The following EML5 variants were observed in gnomAD, a reference collection of about 807,000 sequenced individuals.
EML5 encodes the protein EMAP like 5, also known as echinoderm microtubule-associated protein-like 5.
Under a neutral mutation model 250.0 loss-of-function variants are expected in EML5, and 120 were observed. That is an observed-to-expected ratio of 0.48 (90% CI 0.41 to 0.56). The LOEUF (loss-of-function observed/expected upper bound fraction) is 0.56, where lower values mean the gene tolerates loss of function less well. EML5 is among the 20% of genes least tolerant of loss of function. The probability of loss-of-function intolerance (pLI) is 0.00; values close to 1 mark genes in which losing one functional copy is unlikely to be tolerated. For missense variants in EML5, 2,006 were observed against 2,437.6 expected (o/e 0.82, Z 3.73); for synonymous variants, 771 against 806.5 (o/e 0.96, Z 0.75).
At chr14:88,695,670 T>C (rs2093061912) in intron 15 of EML5, among the ~76,000 whole-genome samples, 1 of 152,066 alleles carries the variant, frequency 6.6e-6, no homozygotes, top group South Asian at 2.1e-4. Flanking sequence ...TCATCGCACC[T>C]GATCTCCTTT....
chr14:88,725,934 C>A (rs1052286871), intron 8 of EML5, among the ~76,000 whole-genome samples: 1 of 152,098 alleles, frequency 6.6e-6, no homozygotes, highest in East Asian at 1.9e-4. Context: ...AGCAACTGAG[C>A]GAAGGATCTT....
intron 1 of EML5, among the ~76,000 whole-genome samples, chr14:88,775,720 G>A (rs1384678981): frequency 5.3e-5 from 8 of 152,152 alleles, no homozygotes; most frequent in African/African-American, 9.7e-5. Context: ...TGGCCTGGCC[G>A]GCTTTACCAC....
At chr14:88,616,464 A>G (rs1245849466) in intron 42 of EML5, 1 of 611,676 alleles carries the variant, frequency 1.6e-6, no homozygotes, top group African/African-American at 1.8e-5. Context: ...TTCTCTAAGG[A>G]AAAGCATTTG....
chr14:88,732,435 T>C (rs2093775309), intron 7 of EML5, among the ~76,000 whole-genome samples: 1 of 152,230 alleles, frequency 6.6e-6, no homozygotes, highest in East Asian at 1.9e-4. Context: ...ATCTCTGTTT[T>C]GGTACCAGTA....
intron 17 of EML5, among the ~76,000 whole-genome samples, chr14:88,688,850 A>T (rs896433468): frequency 1.3e-5 from 2 of 152,374 alleles, no homozygotes; most frequent in South Asian, 2.1e-4. Context: ...CTGAAATGTC[A>T]TGCCAACCTC....
chr14:88,655,705 GA>G lies in EML5; in HGVS notation c.4004+1670del, dbSNP rs536042798. Among the ~76,000 whole-genome samples, 792 of 152,186 alleles carry G rather than the reference GA, an allele frequency of 5.2e-3. 10 individuals carry two copies. The highest frequency in any genetic ancestry group is 0.018 in the African/African-American group (760 of 41,526). The stretch of plus-strand genomic sequence containing the variant: ...TGAATAGGCAACCTACAGAATGGGA[GA>G]AAATTTTTGCAATCTATCCATCTGA... On this transcript the variant is annotated intron_variant, in intron 27 of 43. Coordinates refer to ENST00000554922, the MANE Select transcript of EML5 (RefSeq NM_183387.3).
chr14:88,656,270 C>T (rs74842515), intron 27 of EML5, among the ~76,000 whole-genome samples: 19 of 152,160 alleles, frequency 1.2e-4, no homozygotes, highest in African/African-American at 3.9e-4. Context: ...ATAAACACCA[C>T]GGAATACTAT....
intron 10 of EML5, among the ~76,000 whole-genome samples, chr14:88,707,343 G>A (rs149528239): frequency 0.01 from 1,551 of 151,498 alleles, 25 homozygotes; most frequent in African/African-American, 0.036. Flanking sequence ...GCCCAGGCTG[G>A]TCTCGAACTC....
chr14:88,782,089 AG>A (rs2094503116), intron 1 of EML5, among the ~76,000 whole-genome samples: 1 of 152,236 alleles, frequency 6.6e-6, no homozygotes, highest in Non-Finnish European at 1.5e-5. Flanking sequence ...GTAAGTTCCT[AG>A]AGACTTGTTG....
chr14:88,656,903 T>A (rs1188572283), intron 27 of EML5, among the ~76,000 whole-genome samples: 1 of 152,186 alleles, frequency 6.6e-6, no homozygotes, highest in Admixed American at 6.6e-5. Context: ...AGTTAGCAAA[T>A]AAGATGAATC....
At position 88,789,126 on chromosome 14, in the gene EML5, A is replaced by G. The variant is rs540403204; in HGVS notation, c.197+3181T>C. Among the ~76,000 whole-genome samples the G allele has an allele frequency of 1.6e-4, 24 of 152,312 alleles. No individual in the cohort carries two copies. In the South Asian group the frequency reaches 4.8e-3, roughly 30 times the overall value. The stretch of plus-strand genomic sequence containing the variant: ...ACAACTGGCAAAAGTTTCAAAATAT[A>G]GACCAAGGTATAGATGTGCATCTTA... On this transcript the variant is annotated intron_variant, in intron 1 of 43. Coordinates refer to ENST00000554922, the MANE Select transcript of EML5 (RefSeq NM_183387.3).
intron 14 of EML5, among the ~76,000 whole-genome samples, chr14:88,701,359 T>C (rs1388909365): frequency 3.3e-5 from 5 of 152,172 alleles, no homozygotes; most frequent in Admixed American, 1.3e-4. Context: ...GTCATAAATA[T>C]AGATCAGAGA....
chr14:88,615,706 T>C lies in EML5; in HGVS notation c.*112A>G. 1.1e-6 allele frequency: 1 copy of C among 938,364 alleles called. No individual in the cohort carries two copies. Among genetic ancestry groups the C allele is most frequent in the Non-Finnish European group, 1.6e-6 (1 of 618,732 alleles). The allele number at this position is 938,364 out of a possible 1,614,324, so 58.1% of individuals were successfully genotyped here. On this transcript the variant is annotated 3_prime_UTR_variant, in exon 44 of 44. Transcript: ENST00000554922. ...CTATTTTGATGATTCTGGGCATTTC[T>C]CCCTGTTACAGTCTTGGGTTAGCAC...
Position 88,718,457 on chromosome 14 carries a change from G to GT in EML5, c.1188-3263dup, listed in dbSNP as rs1178986458. 2.0e-5 allele frequency among the ~76,000 whole-genome samples: 3 copies of GT among 152,276 alleles called. No individual in the cohort carries two copies. The East Asian group carries it at 5.8e-4, about 29-fold the overall frequency. ...CTATGAAGAAAATGGGGCTAGAGAG[G>GT]TAAGCTGAAAACAGAAAGAGAAGAA... On this transcript the variant is annotated intron_variant, in intron 8 of 43. Transcript: ENST00000554922.
intron 21 of EML5, among the ~76,000 whole-genome samples, chr14:88,678,099 T>C (rs1471256049): frequency 6.6e-6 from 1 of 152,186 alleles, no homozygotes; most frequent in East Asian, 1.9e-4. Context: ...CACCATGGGA[T>C]ACTATGCAGC....
At position 88,639,877 on chromosome 14, in the gene EML5, A is replaced by G. The variant is rs114498909; in HGVS notation, c.4238-970T>C. ...ATTACGGGCATGAGCCACCGTGCCC[A>G]GCAGGAATTGAAGTTTTTTGATCAA... On this transcript the variant is annotated intron_variant, in intron 31 of 43. Transcript: ENST00000554922. Among the ~76,000 whole-genome samples the G allele has an allele frequency of 2.9e-3, 437 of 152,318 alleles. 3 individuals are homozygous for G. Among genetic ancestry groups the G allele is most frequent in the African/African-American group, 9.6e-3 (398 of 41,568 alleles).
At chr14:88,764,548 A>G (rs1411069481) in intron 1 of EML5, among the ~76,000 whole-genome samples, 1 of 152,060 alleles carries the variant, frequency 6.6e-6, no homozygotes, top group Non-Finnish European at 1.5e-5. Context: ...CAAAGAACCA[A>G]CTTTAGGTTT....
chr14:88,647,267 G>A (rs901036574), intron 28 of EML5, among the ~76,000 whole-genome samples: 2 of 152,102 alleles, frequency 1.3e-5, no homozygotes, highest in East Asian at 3.9e-4. Flanking sequence ...AGGAGGCTGA[G>A]GCAGGAGAAC....
chr14:88,663,109 TA>T lies in EML5; in HGVS notation c.3419del (p.Leu1140TyrfsTer28). On this transcript the variant is annotated frameshift_variant, in exon 24 of 44. Coordinates refer to ENST00000554922, the MANE Select transcript of EML5 (RefSeq NM_183387.3). LOFTEE classifies it high-confidence loss of function. ...GTTCCTTAGCACCAGTGTTGACCTG[TA>T]AAAGCTTTCCTTCAAAAAAATTTTT... is the stretch of plus-strand genomic sequence containing the variant. ...HIDWDIRGKL[L>X]QVNTGAKEQL... is the part of the protein sequence containing the mutation. The T allele has an allele frequency of 6.5e-7, 1 of 1,538,356 alleles. No individual in the cohort carries two copies.
Sources: gnomAD v4.1 joint callset for allele counts (sites outside exome capture counted in the v4.1 genomes callset) on GRCh38, gnomAD v4.1.1 for gene constraint, MANE v1.5 for transcripts, NCBI Gene and HGNC (gene_info 2026-07-23, HGNC 2026-07-21) for gene names.